The following LRRC37A2 variants were observed in gnomAD, a reference collection of about 807,000 sequenced individuals.
LRRC37A2 encodes the protein leucine-rich repeat-containing protein 37A2.
In LRRC37A2, 9 loss-of-function variants were observed where a neutral mutation model predicts 68.8. The observed-to-expected ratio is 0.13, with a 90% CI of 0.08 to 0.23. LRRC37A2 has a LOEUF of 0.23. LRRC37A2 is among the 10% of genes least tolerant of loss of function. The probability of loss-of-function intolerance (pLI) is 1.00; values close to 1 mark genes in which losing one functional copy is unlikely to be tolerated. For synonymous variants in LRRC37A2, 63 were observed against 367.6 expected (o/e 0.17, Z 9.48); for missense variants, 168 against 950.4 (o/e 0.18, Z 10.82).
At chr17:46,733,205 T>A in the LRRC37A2 span, among the ~76,000 whole-genome samples, 7 of 152,170 alleles carry the variant, frequency 4.6e-5, no homozygotes, top group African/African-American at 1.7e-4. Context: ...TTGAGGGGAA[T>A]GTGCTTTTCA....
At chr17:46,947,773 T>G in the LRRC37A2 span, among the ~76,000 whole-genome samples, 25 of 152,200 alleles carry the variant, frequency 1.6e-4, no homozygotes, top group Non-Finnish European at 2.9e-4. Flanking sequence ...AGAAATAGTT[T>G]TTTTTTCTTT....
At chr17:46,823,151 TTTATATA>T in the LRRC37A2 span, among the ~76,000 whole-genome samples, 10,137 of 119,248 alleles carry the variant, frequency 0.085, 1,251 homozygotes, top group African/African-American at 0.16. Context: ...ATTATATATA[TTTATATA>T]TTATATATTA....
chr17:46,716,350 G>A, the LRRC37A2 span, among the ~76,000 whole-genome samples: 9 of 150,432 alleles, frequency 6.0e-5, no homozygotes, highest in Admixed American at 4.0e-4. Context: ...TCCACCTCCC[G>A]GGTTCATGCC....
At chr17:46,776,933 G>A in the LRRC37A2 span, among the ~76,000 whole-genome samples, 1 of 152,076 alleles carries the variant, frequency 6.6e-6, no homozygotes, top group South Asian at 2.1e-4. Context: ...CCCAGCCCTT[G>A]CTTGACACCT....
chr17:46,940,746 T>C, the LRRC37A2 span: 2 of 1,572,516 alleles, frequency 1.3e-6, no homozygotes, highest in Non-Finnish European at 1.7e-6. Flanking sequence ...ACCCTCATGC[T>C]GCACCTTCAG....
chr17:46,657,878 C>G, the LRRC37A2 span, among the ~76,000 whole-genome samples: 2 of 84,560 alleles, frequency 2.4e-5, no homozygotes, highest in Admixed American at 1.5e-4. Flanking sequence ...AACAGCAAAG[C>G]CTAGCCTCCT....
the LRRC37A2 span, among the ~76,000 whole-genome samples, chr17:46,474,791 A>G: frequency 1.3e-5 from 1 of 79,316 alleles, no homozygotes; most frequent in South Asian, 5.2e-4. Flanking sequence ...CTTCTGGGAC[A>G]GTCTTCTCAC....
chr17:46,781,114 G>A, the LRRC37A2 span, among the ~76,000 whole-genome samples: 2 of 151,864 alleles, frequency 1.3e-5, no homozygotes, highest in Non-Finnish European at 2.9e-5. Flanking sequence ...TGTAGTCCCA[G>A]CTACTCAGGA....
the LRRC37A2 span, among the ~76,000 whole-genome samples, chr17:46,625,946 C>A: frequency 7.2e-6 from 1 of 138,286 alleles, no homozygotes; most frequent in African/African-American, 2.8e-5. Context: ...TTCTATCTTA[C>A]ACATAGTACT....
At chr17:46,925,206 T>A in the LRRC37A2 span, among the ~76,000 whole-genome samples, 1 of 152,238 alleles carries the variant, frequency 6.6e-6, no homozygotes, top group Non-Finnish European at 1.5e-5. Context: ...TCTGCTGTTA[T>A]ATTGGGAAAA....
At chr17:46,768,749 G>A in the LRRC37A2 span, 1 of 1,613,966 alleles carries the variant, frequency 6.2e-7, no homozygotes, top group African/African-American at 1.3e-5. The surrounding 1 kb of genome is among the most constrained non-coding windows in gnomAD (Gnocchi z 5.0). Flanking sequence ...CCTCACAGCT[G>A]CCCGACAGCC....
chr17:46,861,935 A>C, the LRRC37A2 span, among the ~76,000 whole-genome samples: 2 of 152,188 alleles, frequency 1.3e-5, no homozygotes, highest in African/African-American at 4.8e-5. Context: ...AGGCTGAGGC[A>C]GGTGGATCAC....
chr17:46,768,446 G>A, the LRRC37A2 span: 2 of 1,614,144 alleles, frequency 1.2e-6, no homozygotes, highest in South Asian at 1.1e-5. This position sits in a 1 kb window ranked among gnomAD's most constrained non-coding sequence, Gnocchi z 5.0. Flanking sequence ...CCCGGCCACA[G>A]CAGAGCAGAT....
At chr17:46,938,289 A>T in the LRRC37A2 span, among the ~76,000 whole-genome samples, 2 of 152,176 alleles carry the variant, frequency 1.3e-5, no homozygotes, top group African/African-American at 4.8e-5. Flanking sequence ...TTGAGGTTCA[A>T]TTTTTACACA....
the LRRC37A2 span, chr17:46,929,711 G>A: frequency 1.5e-6 from 1 of 676,302 alleles, no homozygotes. Flanking sequence ...TGTTGTTAGG[G>A]TGGACAGAAA....
At chr17:46,923,115 C>A in the LRRC37A2 span, 1 of 1,039,462 alleles carries the variant, frequency 9.6e-7, no homozygotes, top group Non-Finnish European at 1.5e-6. Context: ...CGACCGGAAG[C>A]CGGAAACCGG....
chr17:47,026,705 G>C, the LRRC37A2 span, among the ~76,000 whole-genome samples: 1 of 152,088 alleles, frequency 6.6e-6, no homozygotes, highest in Admixed American at 6.6e-5. Flanking sequence ...AAATATTAAA[G>C]CAATATAAAA....
chr17:46,737,711 C>T, the LRRC37A2 span, among the ~76,000 whole-genome samples: 1 of 151,848 alleles, frequency 6.6e-6, no homozygotes, highest in Non-Finnish European at 1.5e-5. Context: ...TACGTGGTTC[C>T]AGTGGAACAT....
At chr17:46,786,439 G>C in the LRRC37A2 span, among the ~76,000 whole-genome samples, 1 of 152,248 alleles carries the variant, frequency 6.6e-6, no homozygotes, top group Non-Finnish European at 1.5e-5. Flanking sequence ...CCTAGGCCCA[G>C]AGGGGTGTCC....
Sources: allele counts gnomAD v4.1 joint callset (sites outside exome capture counted in the v4.1 genomes callset), GRCh38; gene constraint gnomAD v4.1.1; non-coding constraint Gnocchi (gnomAD v3.1); transcripts MANE v1.5; gene names NCBI Gene and HGNC (gene_info 2026-07-23, HGNC 2026-07-21).